MEIOSIN: variants seen among roughly 807,000 people sequenced by gnomAD.
The protein encoded by MEIOSIN is meiosis initiator protein.
MEIOSIN carries 18 observed loss-of-function variants against 23.4 expected under a neutral mutation model. The observed-to-expected ratio is 0.77, with a 90% CI of 0.53 to 1.14. MEIOSIN has a LOEUF of 1.14. Ranked by LOEUF, MEIOSIN falls within the 50% of genes most tolerant of loss-of-function variation. The pLI is 0.00. For missense variants in MEIOSIN, 428 were observed against 242.9 expected (o/e 1.76, Z -5.07); for synonymous variants, 187 against 100.6 (o/e 1.86, Z -5.14).
Position 45,746,439 on chromosome 19 carries a change from G to A in MEIOSIN, c.306+1118G>A, listed in dbSNP as rs375110823. 9.2e-5 allele frequency among the ~76,000 whole-genome samples: 14 copies of A among 152,036 alleles called. No individual in the cohort carries two copies. In the East Asian group the frequency reaches 1.5e-3, roughly 17 times the overall value. On this transcript the variant is annotated intron_variant, in intron 4 of 14. Coordinates refer to ENST00000457052, the MANE Select transcript of MEIOSIN (RefSeq NM_001310124.2). ...CTTCAAATGTCTTTCCTGTCCTACC[G>A]CTTCTGTTGTCACATTGCCTTCCCT... is the stretch of plus-strand genomic sequence containing the variant.
At chr19:45,739,212 G>A (rs1349824884) in intron 2 of MEIOSIN, among the ~76,000 whole-genome samples, 1 of 152,086 alleles carries the variant, frequency 6.6e-6, no homozygotes, top group Non-Finnish European at 1.5e-5. Flanking sequence ...GGAGTGCAGT[G>A]GCATGATAGC....
At chr19:45,735,569 A>G in intron 2 of MEIOSIN, 122 bp downstream of exon 2, 1 of 604,210 alleles carries the variant, frequency 1.7e-6, no homozygotes, top group Non-Finnish European at 3.0e-6. Flanking sequence ...TTTGTATGAT[A>G]ACTGTTAATC....
chr19:45,759,285 C>T, intron 10 of MEIOSIN, 129 bp from the exon 11 acceptor site: 1 of 650,762 alleles, frequency 1.5e-6, no homozygotes, highest in Non-Finnish European at 2.8e-6. Context: ...GGATTTGGAC[C>T]TAGGGTGGGA....
intron 3 of MEIOSIN, among the ~76,000 whole-genome samples, chr19:45,743,314 G>A (rs1041083490): frequency 2.0e-5 from 3 of 152,208 alleles, no homozygotes; most frequent in Non-Finnish European, 4.4e-5. Flanking sequence ...TTTCTTCCTT[G>A]CTTCCTGAGT....
At chr19:45,742,621 T>C (rs1287506100) in intron 3 of MEIOSIN, among the ~76,000 whole-genome samples, 2 of 151,302 alleles carry the variant, frequency 1.3e-5, no homozygotes, top group Non-Finnish European at 2.9e-5. Context: ...CCACTAAAAA[T>C]ACAAAAAATT....
intron 3 of MEIOSIN, among the ~76,000 whole-genome samples, chr19:45,744,136 C>G (rs1010472120): frequency 6.6e-6 from 1 of 151,728 alleles, no homozygotes; most frequent in Non-Finnish European, 1.5e-5. Context: ...AAGCAATTCT[C>G]GTGCCTCAGC....
chr19:45,750,360 C>CTTTTTCT (rs1555783452), intron 4 of MEIOSIN, among the ~76,000 whole-genome samples: 4 of 98,522 alleles, frequency 4.1e-5, no homozygotes, highest in South Asian at 3.6e-4. Flanking sequence ...TTTTCTTTTT[C>CTTTTTCT]TTTTTTTTTT....
intron 11 of MEIOSIN, among the ~76,000 whole-genome samples, chr19:45,760,482 T>C (rs756376978): frequency 1.4e-4 from 21 of 151,960 alleles, no homozygotes; most frequent in Non-Finnish European, 2.2e-4. Flanking sequence ...GGTACGTGCC[T>C]GTAATCCCAG....
chr19:45,752,342 A>G lies in MEIOSIN; in HGVS notation c.419-1309A>G, dbSNP rs1968729091. Among the ~76,000 whole-genome samples the G allele has an allele frequency of 2.0e-5, 3 of 151,730 alleles. 1 individual carries two copies. Among genetic ancestry groups the G allele is most frequent in the South Asian group, 4.2e-4 (2 of 4,814 alleles). On this transcript the variant is annotated intron_variant, in intron 5 of 14. Coordinates refer to ENST00000457052, the MANE Select transcript of MEIOSIN (RefSeq NM_001310124.2). ...GCCATTCTCCTGCCTCAGCCTCCCA[A>G]GTAGCTGGGACTACAGGCGCCCGCC... is the stretch of plus-strand genomic sequence containing the variant.
At position 45,746,323 on chromosome 19, in the gene MEIOSIN, A is replaced by G. The variant is rs571709206; in HGVS notation, c.306+1002A>G. On this transcript the variant is annotated intron_variant, in intron 4 of 14. Transcript: ENST00000457052. ...AGGGTTGGTTCCTCTTAGAAGCTCT[A>G]GAGAGTTTGTTTCCTTTCTTTTTGC... 1.6e-4 allele frequency among the ~76,000 whole-genome samples: 25 copies of G among 152,300 alleles called. No homozygotes were observed. The South Asian group carries it at 1.9e-3, about 11-fold the overall frequency.
At chr19:45,745,363 T>A (rs1968575288) in intron 4 of MEIOSIN, 42 bp downstream of exon 4, 4 of 687,958 alleles carry the variant, frequency 5.8e-6, no homozygotes, top group Admixed American at 2.1e-5. Flanking sequence ...GGGACGCAGG[T>A]CTTTAAATAG....
intron 5 of MEIOSIN, among the ~76,000 whole-genome samples, chr19:45,751,445 T>A (rs1268146150): frequency 1.1e-4 from 17 of 152,104 alleles, no homozygotes; most frequent in East Asian, 3.9e-4. Context: ...GCCTTCCTAG[T>A]CCCTGCCAAA....
chr19:45,744,485 G>T (rs1000481516), intron 3 of MEIOSIN, among the ~76,000 whole-genome samples: 26 of 151,742 alleles, frequency 1.7e-4, no homozygotes, highest in Non-Finnish European at 3.4e-4. Context: ...GTTTTGTTTT[G>T]TTTTTGAGAC....
Position 45,758,435 on chromosome 19 carries a change from T to C in MEIOSIN, c.1013-443T>C, listed in dbSNP as rs181457669. On this transcript the variant is annotated intron_variant, in intron 9 of 14. Transcript: ENST00000457052. ...ATTTTGCTTCATTTCTTCTTCTTTT[T>C]TTTTTAAATTTTGAGACAGGGTCTC... Among the ~76,000 whole-genome samples, 38 of 152,188 alleles carry C rather than the reference T, an allele frequency of 2.5e-4. No homozygotes were observed. The East Asian group carries it at 6.6e-3, about 26-fold the overall frequency.
intron 4 of MEIOSIN, among the ~76,000 whole-genome samples, chr19:45,749,694 G>A (rs1413000143): frequency 1.1e-4 from 9 of 78,326 alleles, no homozygotes; most frequent in East Asian, 4.2e-4. Context: ...AAAAAAAAGC[G>A]CAAAAAAAAA....
At chr19:45,761,414 G>A (rs986171724) in intron 11 of MEIOSIN, among the ~76,000 whole-genome samples, 8 of 145,946 alleles carry the variant, frequency 5.5e-5, no homozygotes, top group Non-Finnish European at 1.0e-4. Context: ...GAGCCACTGC[G>A]CCTGGCCTAT....
chr19:45,742,119 A>G (rs1355429434), intron 3 of MEIOSIN, among the ~76,000 whole-genome samples: 1 of 151,946 alleles, frequency 6.6e-6, no homozygotes, highest in Non-Finnish European at 1.5e-5. Context: ...CAGGTGATCC[A>G]CCTGCCTTGG....
chr19:45,736,424 G>A (rs901207684), intron 2 of MEIOSIN, among the ~76,000 whole-genome samples: 5 of 152,034 alleles, frequency 3.3e-5, no homozygotes, highest in African/African-American at 7.2e-5. Flanking sequence ...GTGCAGTGGC[G>A]CGATCTTGGT....
intron 5 of MEIOSIN, among the ~76,000 whole-genome samples, chr19:45,751,041 G>A (rs1335541110): frequency 1.3e-5 from 2 of 152,116 alleles, no homozygotes; most frequent in African/African-American, 4.8e-5. Context: ...GGGAGGCCGA[G>A]GCGGGCGGAT....
Sources: gnomAD v4.1 joint callset for allele counts (sites outside exome capture counted in the v4.1 genomes callset) on GRCh38, gnomAD v4.1.1 for gene constraint, MANE v1.5 for transcripts, NCBI Gene and HGNC (gene_info 2026-07-23, HGNC 2026-07-21) for gene names.